KMO: variants seen among roughly 807,000 people sequenced by gnomAD.
KMO encodes the protein kynurenine 3-hydroxylase.
KMO carries 24 observed loss-of-function variants against 57.8 expected under a neutral mutation model. The ratio of observed to expected loss-of-function variants is 0.42; its 90% CI spans 0.30 to 0.58. The LOEUF (loss-of-function observed/expected upper bound fraction) is 0.58, where lower values mean the gene tolerates loss of function less well. Among genes scored for constraint, KMO ranks in the 20% least tolerant of loss-of-function variants. KMO has a pLI of 0.22. For synonymous variants in KMO, 210 were observed against 193.6 expected (o/e 1.08, Z -0.70); for missense variants, 483 against 588.2 (o/e 0.82, Z 1.85).
At chr1:241,552,181 A>T (rs868794881) in intron 4 of KMO, among the ~76,000 whole-genome samples, 5 of 80,606 alleles carry the variant, frequency 6.2e-5, no homozygotes, top group African/African-American at 1.1e-4. Context: ...TGTGTGAGAG[A>T]GAGAGAGAGA....
intron 1 of KMO, among the ~76,000 whole-genome samples, chr1:241,539,873 G>A (rs557556684): frequency 2.1e-4 from 31 of 150,794 alleles, no homozygotes; most frequent in Admixed American, 2.0e-3. Flanking sequence ...CATTTCATTA[G>A]TGAGATTTTA....
At chr1:241,553,096 A>G (rs970428913) in intron 4 of KMO, among the ~76,000 whole-genome samples, 1 of 152,208 alleles carries the variant, frequency 6.6e-6, no homozygotes, top group Admixed American at 6.5e-5. Context: ...CAGATCTCCA[A>G]AGGATATATC....
At chr1:241,578,844 A>AG (rs1662637404) in intron 10 of KMO, among the ~76,000 whole-genome samples, 1 of 151,952 alleles carries the variant, frequency 6.6e-6, no homozygotes, top group Admixed American at 6.5e-5. Flanking sequence ...TCATGTGGCT[A>AG]GGGAGGCCTC....
chr1:241,550,889 C>A, intron 3 of KMO, 66 bp from the exon 4 acceptor site: 1 of 740,498 alleles, frequency 1.4e-6, no homozygotes, highest in South Asian at 2.3e-5. Flanking sequence ...TAAAAATCAA[C>A]TTCTATCTTT....
chr1:241,590,141 C>A (rs1663193941), intron 13 of KMO, 28 bp downstream of exon 13: 1 of 1,607,462 alleles, frequency 6.2e-7, no homozygotes, highest in African/African-American at 1.3e-5. Context: ...GACTTTTCCT[C>A]ATTTTGATTT....
Position 241,568,808 on chromosome 1 carries a change from A to T in KMO, c.957+161A>T, listed in dbSNP as rs547914342. Among the ~76,000 whole-genome samples, 3 of 152,270 alleles carry T rather than the reference A, an allele frequency of 2.0e-5. No individual in the cohort carries two copies. The East Asian group carries it at 5.8e-4, about 29-fold the overall frequency. On this transcript the variant is annotated intron_variant, in intron 10 of 14. Transcript: ENST00000366559. ...GCTGTGTAGCTAGATTGATCACTCTAATCAGAATTTGGTTTAATCAATCCA... is the reference window on the plus strand; with the variant it reads ...GCTGTGTAGCTAGATTGATCACTCTTATCAGAATTTGGTTTAATCAATCCA...
chr1:241,560,516 A>C (rs1661796029), intron 5 of KMO, 149 bp from the exon 6 acceptor site: 1 of 615,890 alleles, frequency 1.6e-6, no homozygotes, highest in Non-Finnish European at 2.9e-6. Context: ...ACAGTTGTCA[A>C]ATTACCATTT....
intron 6 of KMO, among the ~76,000 whole-genome samples, chr1:241,561,609 C>T (rs1661839636): frequency 6.6e-6 from 1 of 152,234 alleles, no homozygotes; most frequent in African/African-American, 2.4e-5. Context: ...TCTCTTCAAA[C>T]TGCCAAGGAA....
At chr1:241,585,547 C>T (rs1251976148) in intron 10 of KMO, among the ~76,000 whole-genome samples, 1 of 152,054 alleles carries the variant, frequency 6.6e-6, no homozygotes, top group Admixed American at 6.5e-5. Context: ...CACTTGAGGT[C>T]AAGAGTTTGA....
rs566441809 is a variant in KMO at position 241,587,272 on chromosome 1, T to G, written c.1015+536T>G. ...TAGGGTTCACGCTCCTATGAGAAAC[T>G]AATGCCACTGCTGATCTGACAGGAG... is the stretch of plus-strand genomic sequence containing the variant. On this transcript the variant is annotated intron_variant, in intron 11 of 14. Transcript: ENST00000366559. Among the ~76,000 whole-genome samples the G allele has an allele frequency of 1.2e-4, 19 of 152,322 alleles. No individual in the cohort carries two copies. In the South Asian group the frequency reaches 3.3e-3, roughly 27 times the overall value.
intron 3 of KMO, chr1:241,550,054 A>C (rs1661340328): frequency 3.4e-6 from 1 of 294,470 alleles, no homozygotes; most frequent in East Asian, 6.2e-5. Flanking sequence ...TCAAGATGGC[A>C]TCCAGGATAA....
intron 1 of KMO, among the ~76,000 whole-genome samples, chr1:241,538,978 T>G (rs1660851584): frequency 6.6e-6 from 1 of 152,220 alleles, no homozygotes; most frequent in African/African-American, 2.4e-5. Flanking sequence ...TAGTCCTCTA[T>G]CTGTCTACTC....
chr1:241,556,143 T>C (rs1236139695), intron 5 of KMO, among the ~76,000 whole-genome samples: 1 of 152,104 alleles, frequency 6.6e-6, no homozygotes, highest in Non-Finnish European at 1.5e-5. Flanking sequence ...ATCAATTGCC[T>C]AAAGTTTTTA....
chr1:241,540,179 AT>A (rs1271418312), intron 1 of KMO, among the ~76,000 whole-genome samples: 1 of 152,070 alleles, frequency 6.6e-6, no homozygotes, highest in African/African-American at 2.4e-5. Context: ...GTGAGGAATT[AT>A]TTTTTTCTTC....
chr1:241,557,834 A>G (rs1661697565), intron 5 of KMO, among the ~76,000 whole-genome samples: 2 of 152,204 alleles, frequency 1.3e-5, no homozygotes, highest in Admixed American at 1.3e-4. Context: ...CAAAACAACA[A>G]CAAGAAAACT....
rs1661296224 is a variant in KMO at position 241,549,266 on chromosome 1, A to AAGG, written c.124+369_124+370insGGA. Among the ~76,000 whole-genome samples, 39 of 117,638 alleles carry AAGG rather than the reference A, an allele frequency of 3.3e-4. 2 individuals carry two copies. The highest frequency in any genetic ancestry group is 1.3e-3 in the African/African-American group (38 of 30,392). 77.2% of individuals were successfully genotyped at this position (117,638 alleles called of 152,430 possible). A position where few individuals can be genotyped will look rare whatever the true frequency, so the allele number is the denominator to read the frequency against. On this transcript the variant is annotated intron_variant, in intron 2 of 14. Transcript: ENST00000366559. ...GAAAGAAAGAAAGAAAGAAAGAAAG[A>AAGG]AAGGAAGGAAGAAAGAAAGAAAGGA...
intron 10 of KMO, among the ~76,000 whole-genome samples, chr1:241,585,701 GA>G (rs1241340733): frequency 6.6e-6 from 1 of 150,604 alleles, no homozygotes; most frequent in Non-Finnish European, 1.5e-5. Flanking sequence ...AGATTGAAGT[GA>G]GCCGAGATTG....
At chr1:241,589,805 C>A (rs186094083) in intron 12 of KMO, among the ~76,000 whole-genome samples, 4 of 152,274 alleles carry the variant, frequency 2.6e-5, no homozygotes, top group African/African-American at 7.2e-5. Context: ...TAGCAGGTTT[C>A]GTGTAATTGC....
chr1:241,573,676 A>C (rs1662393460), intron 10 of KMO, among the ~76,000 whole-genome samples: 1 of 152,118 alleles, frequency 6.6e-6, no homozygotes, highest in South Asian at 2.1e-4. Context: ...TAGTAACTAT[A>C]GCCTTGTAGT....
Sources: gnomAD v4.1 joint callset for allele counts (sites outside exome capture counted in the v4.1 genomes callset) on GRCh38, gnomAD v4.1.1 for gene constraint, MANE v1.5 for transcripts, NCBI Gene and HGNC (gene_info 2026-07-23, HGNC 2026-07-21) for gene names.